CIB4: variants seen among roughly 807,000 people sequenced by gnomAD.
CIB4 encodes the protein calcium and integrin-binding family member 4.
CIB4 carries 25 observed loss-of-function variants against 25.8 expected under a neutral mutation model. The observed-to-expected ratio is 0.97, with a 90% CI of 0.71 to 1.35. The LOEUF is 1.35. Ranked by LOEUF, CIB4 falls within the 40% of genes most tolerant of loss-of-function variation. The pLI is 0.00. For synonymous variants in CIB4, 75 were observed against 81.4 expected, an observed-to-expected ratio of 0.92 and a Z score of 0.42; for missense variants, 235 against 228.2, an observed-to-expected ratio of 1.03 and a Z score of -0.19.
At chr2:26,632,896 G>T (rs1417100532) in intron 2 of CIB4, among the ~76,000 whole-genome samples, 1 of 152,100 alleles carries the variant, frequency 6.6e-6, no homozygotes, top group Non-Finnish European at 1.5e-5. Flanking sequence ...CTTTCAATAA[G>T]AGCAATTTTC....
chr2:26,619,550 C>G (rs1669162357), intron 3 of CIB4, among the ~76,000 whole-genome samples: 1 of 152,188 alleles, frequency 6.6e-6, no homozygotes, highest in African/African-American at 2.4e-5. Context: ...CTCACTCCCT[C>G]CTGACACCTG....
intron 3 of CIB4, among the ~76,000 whole-genome samples, chr2:26,620,728 C>A (rs563479230): frequency 1.3e-3 from 198 of 152,310 alleles, no homozygotes; most frequent in Non-Finnish European, 2.4e-3. Flanking sequence ...ACCCTTCAGT[C>A]ATCATCATGA....
chr2:26,594,634 AGC>A (rs1668644606), intron 4 of CIB4, among the ~76,000 whole-genome samples: 1 of 152,182 alleles, frequency 6.6e-6, no homozygotes, highest in African/African-American at 2.4e-5. Context: ...CTTGCATCCC[AGC>A]TGTGCTAAGC....
In CIB4 at chr2:26,616,133, TC is replaced by T. The variant is rs797019173; in HGVS notation, c.186+13276del. On this transcript the variant is annotated intron_variant, in intron 3 of 6. Coordinates refer to ENST00000288861, the MANE Select transcript of CIB4 (RefSeq NM_001029881.3). ...GCTGTAAATGAAGCGAACAACTCCC[TC>T]CTCAAACAGTTACCTTGAGGAGTAA... Among the ~76,000 whole-genome samples the T allele has an allele frequency of 2.1e-4, 32 of 152,290 alleles. 1 individual carries two copies. Among genetic ancestry groups the T allele is most frequent in the African/African-American group, 7.7e-4 (32 of 41,560 alleles).
chr2:26,604,063 A>C (rs1237348271), intron 3 of CIB4, among the ~76,000 whole-genome samples: 2 of 151,832 alleles, frequency 1.3e-5, no homozygotes, highest in East Asian at 3.9e-4. Flanking sequence ...AGCATAATCA[A>C]ACTGCTAAAA....
intron 3 of CIB4, among the ~76,000 whole-genome samples, chr2:26,615,085 G>A (rs750879075): frequency 5.3e-5 from 8 of 152,162 alleles, no homozygotes; most frequent in African/African-American, 9.7e-5. Context: ...AGCCCTGGCC[G>A]CATACCAGAC....
chr2:26,600,674 G>T (rs552575396), intron 3 of CIB4, among the ~76,000 whole-genome samples: 2 of 152,272 alleles, frequency 1.3e-5, no homozygotes, highest in South Asian at 4.1e-4. Flanking sequence ...CCTGGGAGAA[G>T]GGTGTAACAA....
rs139135061 is a variant in CIB4, at chr2:26,630,290, C to A, written c.90-784G>T. On this transcript the variant is annotated intron_variant, in intron 2 of 6. Coordinates refer to ENST00000288861, the MANE Select transcript of CIB4 (RefSeq NM_001029881.3). ...ATCCTGAACCTGGGTCCCTGTCCAC[C>A]AGCAAGCTCTTAGGCCTACAGGTCC... 1.1e-4 allele frequency among the ~76,000 whole-genome samples: 17 copies of A among 152,296 alleles called. No homozygotes were observed. In the South Asian group the frequency reaches 2.5e-3, roughly 22 times the overall value.
chr2:26,632,772 AG>A (rs58371646), intron 2 of CIB4, among the ~76,000 whole-genome samples: 4,340 of 142,060 alleles, frequency 0.031, 219 homozygotes, highest in African/African-American at 0.12. Context: ...AAAAAAAAAA[AG>A]AAAAAGAAAG....
chr2:26,632,775 AAAAG>A (rs1413300483), intron 2 of CIB4, among the ~76,000 whole-genome samples: 1 of 151,922 alleles, frequency 6.6e-6, no homozygotes. Flanking sequence ...AAAAAAAAGA[AAAAG>A]AAAGAAAGGG....
At chr2:26,619,417 T>C (rs1234102949) in intron 3 of CIB4, among the ~76,000 whole-genome samples, 4 of 152,150 alleles carry the variant, frequency 2.6e-5, no homozygotes, top group South Asian at 2.1e-4. Flanking sequence ...AGCTGCTATA[T>C]GTGCGGAAGA....
intron 4 of CIB4, among the ~76,000 whole-genome samples, chr2:26,587,677 A>G (rs1211380218): frequency 6.6e-6 from 1 of 152,248 alleles, no homozygotes; most frequent in African/African-American, 2.4e-5. Context: ...TAGTATATAT[A>G]GTTATCATCA....
At chr2:26,609,881 A>G (rs1668964601) in intron 3 of CIB4, among the ~76,000 whole-genome samples, 1 of 152,212 alleles carries the variant, frequency 6.6e-6, no homozygotes, top group Non-Finnish European at 1.5e-5. Context: ...TTTAAAACAC[A>G]ATCTGTACCT....
In CIB4 at chr2:26,582,875, C is replaced by T. The variant is rs150008757; in HGVS notation, c.477G>A (p.Leu159=). 1.6e-3 allele frequency: 2,627 copies of T among 1,613,848 alleles called. 6 individuals are homozygous for T. Among genetic ancestry groups the T allele is most frequent in the Non-Finnish European group, 1.7e-3 (2,045 of 1,179,768 alleles). ...SESDLDNDNM[L]SFSEFEHAMA... ...TTGCATGTTCAAACTCTGAGAAGGA[C>T]AGCATGTTGTCATTGTCCAGATCCG... is the stretch of plus-strand genomic sequence containing the variant. The change falls in exon 6 of 7, where the codon CTG becomes CTA. Residue 159 remains leucine, a synonymous_variant. Coordinates refer to ENST00000288861, the MANE Select transcript of CIB4 (RefSeq NM_001029881.3).
chr2:26,617,147 T>TGTGTGTGCGCGCGCGC lies in CIB4; in HGVS notation c.186+12262_186+12263insGCGCGCGCGCACACAC, dbSNP rs10665609. ...GTGTGTGTGTGTGTGTGTGTGTGTGTGCACGTGAGCGTGGGTGGGCATGAT... is the reference window on the plus strand; with the variant it reads ...GTGTGTGTGTGTGTGTGTGTGTGTGTGTGTGTGCGCGCGCGCGCACGTGAGCGTGGGTGGGCATGAT... On this transcript the variant is annotated intron_variant, in intron 3 of 6. Transcript: ENST00000288861. 6.0e-5 allele frequency among the ~76,000 whole-genome samples: 9 copies of TGTGTGTGCGCGCGCGC among 150,534 alleles called. No homozygotes were observed. In the South Asian group the frequency reaches 1.3e-3, roughly 21 times the overall value.
chr2:26,598,095 T>C (rs1190655072), intron 3 of CIB4, among the ~76,000 whole-genome samples: 1 of 151,026 alleles, frequency 6.6e-6, no homozygotes, highest in Non-Finnish European at 1.5e-5. Context: ...AGGTCAGGAG[T>C]TCGAGACCAG....
intron 3 of CIB4, chr2:26,623,528 C>T (rs895104331): frequency 2.1e-6 from 1 of 471,510 alleles, no homozygotes; most frequent in Admixed American, 2.3e-5. Context: ...CTAAGCAGGA[C>T]TCAGAAAGGC....
chr2:26,615,196 T>A (rs1283417850), intron 3 of CIB4, among the ~76,000 whole-genome samples: 5 of 152,156 alleles, frequency 3.3e-5, no homozygotes, highest in African/African-American at 4.8e-5. Context: ...CCCAGTAAGA[T>A]GTGGCAGGTA....
chr2:26,627,885 G>A lies in CIB4; in HGVS notation c.186+1525C>T, dbSNP rs186623113. ...TACAGATAGGCCTGTCACTTAGGAG[G>A]GGCCGTGCAGCCGTGGCTTGAATGA... On this transcript the variant is annotated intron_variant, in intron 3 of 6. Transcript: ENST00000288861. The surrounding 1 kb of genome is among the most constrained non-coding windows in gnomAD (Gnocchi z 4.0). 3.9e-5 allele frequency among the ~76,000 whole-genome samples: 6 copies of A among 152,188 alleles called. No individual in the cohort carries two copies. The highest frequency in any genetic ancestry group is 1.4e-4 in the African/African-American group (6 of 41,510).
Sources: gnomAD v4.1 joint callset for allele counts (sites outside exome capture counted in the v4.1 genomes callset) on GRCh38, gnomAD v4.1.1 for gene constraint, Gnocchi (gnomAD v3.1) non-coding constraint, MANE v1.5 for transcripts, NCBI Gene and HGNC (gene_info 2026-07-23, HGNC 2026-07-21) for gene names.